Variants in DHRSX observed in about 807,000 individuals in gnomAD.
The protein encoded by DHRSX is polyprenol dehydrogenase.
In DHRSX, 31 loss-of-function variants were observed where a neutral mutation model predicts 34.0. That is an observed-to-expected ratio of 0.91 (90% confidence interval 0.69 to 1.23). DHRSX has a LOEUF of 1.23. Among genes scored for constraint, DHRSX ranks in the 50% most tolerant of loss-of-function variants. DHRSX has a pLI of 0.00. For synonymous variants in DHRSX, 201 were observed against 183.8 expected, an observed-to-expected ratio of 1.09 and a Z score of -0.76; for missense variants, 414 against 428.1, an observed-to-expected ratio of 0.97 and a Z score of 0.29.
intron 6 of DHRSX, among the ~76,000 whole-genome samples, chrX:2,231,271 T>C (rs73626168): frequency 0.03 from 4,614 of 152,150 alleles, 251 homozygotes; most frequent in African/African-American, 0.11. Context: ...GGCATCTCCT[T>C]GGACAAAACG....
intron 3 of DHRSX, among the ~76,000 whole-genome samples, chrX:2,307,764 CAA>C (rs373601749): frequency 9.0e-4 from 101 of 112,222 alleles, no homozygotes; most frequent in Non-Finnish European, 1.1e-3. Flanking sequence ...GACTCCCTCT[CAA>C]AAAAAAAAAA....
chrX:2,466,987 T>C (rs892559117), intron 1 of DHRSX, among the ~76,000 whole-genome samples: 14 of 147,320 alleles, frequency 9.5e-5, no homozygotes, highest in Admixed American at 1.4e-4. Context: ...ATCCCTTGAA[T>C]GCGGGAGACA....
intron 6 of DHRSX, among the ~76,000 whole-genome samples, chrX:2,226,809 GA>G (rs1053695733): frequency 1.3e-4 from 19 of 151,474 alleles, no homozygotes; most frequent in African/African-American, 4.6e-4. Context: ...AAAAAAGAAA[GA>G]AAAAAAAGAA....
chrX:2,429,392 C>A (rs1212361052), intron 1 of DHRSX, among the ~76,000 whole-genome samples: 2 of 151,724 alleles, frequency 1.3e-5, no homozygotes, highest in Non-Finnish European at 2.9e-5. Flanking sequence ...AAAGAAATCT[C>A]TAAAATCTTC....
intron 2 of DHRSX, among the ~76,000 whole-genome samples, chrX:2,410,281 G>C (rs1056880078): frequency 6.6e-6 from 1 of 152,124 alleles, no homozygotes; most frequent in Non-Finnish European, 1.5e-5. Flanking sequence ...CTCCCTTTCA[G>C]GGAGGGTCAC....
chrX:2,372,783 T>C (rs893221185), intron 3 of DHRSX, among the ~76,000 whole-genome samples: 1 of 152,028 alleles, frequency 6.6e-6, no homozygotes, highest in Non-Finnish European at 1.5e-5. Flanking sequence ...TAATTTTTTG[T>C]ATTTTTAGTA....
intron 1 of DHRSX, among the ~76,000 whole-genome samples, chrX:2,484,857 C>G: frequency 6.6e-6 from 1 of 152,108 alleles, no homozygotes; most frequent in East Asian, 1.9e-4. Flanking sequence ...GTCTCTGGGC[C>G]TCCTCTGCAC....
At chrX:2,371,736 A>AG (rs2043075087) in intron 3 of DHRSX, among the ~76,000 whole-genome samples, 1 of 112,108 alleles carries the variant, frequency 8.9e-6, no homozygotes, top group Non-Finnish European at 2.2e-5. Flanking sequence ...TCCCATTATC[A>AG]CAGCCCCTCC....
chrX:2,333,934 T>C (rs2042516616), intron 3 of DHRSX, among the ~76,000 whole-genome samples: 1 of 152,200 alleles, frequency 6.6e-6, no homozygotes, highest in African/African-American at 2.4e-5. Context: ...GATCTTGTTC[T>C]TTTTTACAGC....
At chrX:2,471,047 AACATC>A (rs1450462489) in intron 1 of DHRSX, among the ~76,000 whole-genome samples, 3 of 152,228 alleles carry the variant, frequency 2.0e-5, no homozygotes, top group Non-Finnish European at 2.9e-5. Context: ...CGTGGATTAA[AACATC>A]ACGTTGTACC....
At chrX:2,305,840 G>T (rs1375337266) in intron 3 of DHRSX, among the ~76,000 whole-genome samples, 2 of 151,890 alleles carry the variant, frequency 1.3e-5, no homozygotes, top group South Asian at 2.1e-4. Context: ...GGGCCTGTTG[G>T]GGGGTGGGGG....
In DHRSX at chrX:2,459,965, G is replaced by A. The variant is rs762542373; in HGVS notation, c.110-34661C>T. Among the ~76,000 whole-genome samples the A allele has an allele frequency of 1.1e-4, 16 of 152,078 alleles. No individual in the cohort carries two copies. The South Asian group carries it at 1.9e-3, about 18-fold the overall frequency. On this transcript the variant is annotated intron_variant, in intron 1 of 6. Transcript: ENST00000334651. ...TCTACTAAAAATACAAAAATTAGCCGGGTGTGGTGGCGGGCGACTGTAATC... is the reference window on the plus strand; with the variant it reads ...TCTACTAAAAATACAAAAATTAGCCAGGTGTGGTGGCGGGCGACTGTAATC...
intron 3 of DHRSX, among the ~76,000 whole-genome samples, chrX:2,391,411 AGTAT>A (rs1211088829): frequency 6.6e-6 from 1 of 152,200 alleles, no homozygotes; most frequent in Non-Finnish European, 1.5e-5. Flanking sequence ...GTGCAACACC[AGTAT>A]GCACCAAGGC....
intron 1 of DHRSX, among the ~76,000 whole-genome samples, chrX:2,445,100 T>C (rs1194492474): frequency 1.3e-5 from 2 of 152,086 alleles, no homozygotes; most frequent in East Asian, 3.9e-4. Flanking sequence ...GAGGTTACAG[T>C]GAGCCAAGAT....
chrX:2,372,476 C>T (rs1408306941), intron 3 of DHRSX, among the ~76,000 whole-genome samples: 1 of 152,126 alleles, frequency 6.6e-6, no homozygotes, highest in East Asian at 1.9e-4. Context: ...TCCAGGATCC[C>T]GTTGAGTATA....
At chrX:2,298,614 A>ACACACACACACACACACACACGCG (rs1556457249) in intron 3 of DHRSX, among the ~76,000 whole-genome samples, 3 of 82,956 alleles carry the variant, frequency 3.6e-5, no homozygotes, top group Admixed American at 1.1e-4. Flanking sequence ...ACACACACAC[A>ACACACACACACACACACACACGCG]CACACACACA....
Position 2,268,568 on chromosome X carries a change from TC to T in DHRSX, c.389-1622del, listed in dbSNP as rs760820088. On this transcript the variant is annotated intron_variant, in intron 4 of 6. Coordinates refer to ENST00000334651, the MANE Select transcript of DHRSX (RefSeq NM_145177.3). ...GTTAGCATGTACATATGTGTTCACG[TC>T]TTTACATGCAGATTCATTTTCAAAT... is the stretch of plus-strand genomic sequence containing the variant. Among the ~76,000 whole-genome samples, 248 of 152,370 alleles carry T rather than the reference TC, an allele frequency of 1.6e-3. 1 individual carries two copies. Among genetic ancestry groups the T allele is most frequent in the African/African-American group, 5.8e-3 (243 of 41,588 alleles).
intron 3 of DHRSX, among the ~76,000 whole-genome samples, chrX:2,359,274 C>G (rs182622711): frequency 1.1e-3 from 169 of 152,322 alleles, no homozygotes; most frequent in Non-Finnish European, 1.9e-3. Flanking sequence ...GAACATCAAT[C>G]ATTCTGTCAT....
At chrX:2,227,452 G>A (rs1233385520) in intron 6 of DHRSX, among the ~76,000 whole-genome samples, 2 of 146,822 alleles carry the variant, frequency 1.4e-5, no homozygotes, top group African/African-American at 5.1e-5. Context: ...AGAGAGGGAG[G>A]GAGGCAGTAA....
Sources: allele counts gnomAD v4.1 joint callset (sites outside exome capture counted in the v4.1 genomes callset), GRCh38; gene constraint gnomAD v4.1.1; transcripts MANE v1.5; gene names NCBI Gene and HGNC (gene_info 2026-07-23, HGNC 2026-07-21).